Variants in HM13 observed in about 807,000 individuals in gnomAD.
HM13 encodes histocompatibility minor 13.
In HM13, 18 loss-of-function variants were observed where a neutral mutation model predicts 50.0. The ratio of observed to expected loss-of-function variants is 0.36; its 90% confidence interval spans 0.25 to 0.53. HM13 has a LOEUF of 0.53. Among genes scored for constraint, HM13 ranks in the 20% least tolerant of loss-of-function variants. The pLI is 0.90. For missense variants in HM13, 393 were observed against 552.4 expected, an observed-to-expected ratio of 0.71 and a Z score of 2.89; for synonymous variants, 197 against 232.6, an observed-to-expected ratio of 0.85 and a Z score of 1.39.
intron 2 of HM13, among the ~76,000 whole-genome samples, chr20:31,533,666 T>C (rs1982946288): frequency 6.6e-6 from 1 of 152,216 alleles, no homozygotes; most frequent in African/African-American, 2.4e-5. Flanking sequence ...CTAGTGACAT[T>C]CAGACACATC....
intron 1 of HM13, among the ~76,000 whole-genome samples, chr20:31,520,510 G>A (rs1182502049): frequency 6.6e-6 from 1 of 151,924 alleles, no homozygotes; most frequent in African/African-American, 2.4e-5. Flanking sequence ...CACCATGTTG[G>A]CCAGGCTGGT....
chr20:31,558,605 C>A (rs1227401492), intron 8 of HM13, among the ~76,000 whole-genome samples: 1 of 152,116 alleles, frequency 6.6e-6, no homozygotes, highest in Admixed American at 6.6e-5. Context: ...CTCCTTCACC[C>A]CTGCCCAGCC....
At chr20:31,518,445 AG>A (rs1981938324) in intron 1 of HM13, among the ~76,000 whole-genome samples, 1 of 150,856 alleles carries the variant, frequency 6.6e-6, no homozygotes, top group African/African-American at 2.4e-5. Flanking sequence ...CAGGAGTTCA[AG>A]ACCAGCCTGG....
At chr20:31,538,714 T>C (rs1392559240) in intron 3 of HM13, 2 of 940,824 alleles carry the variant, frequency 2.1e-6, no homozygotes, top group Non-Finnish European at 2.6e-6. Flanking sequence ...TTACTTTGAG[T>C]CCAGACTCTG....
intron 9 of HM13, 124 bp downstream of exon 9, chr20:31,559,771 T>C: frequency 1.1e-6 from 1 of 869,960 alleles, no homozygotes; most frequent in African/African-American, 1.7e-5. Flanking sequence ...AGAGCAATTC[T>C]GATTTTATCT....
intron 8 of HM13, among the ~76,000 whole-genome samples, chr20:31,556,878 G>T (rs1313305123): frequency 6.6e-6 from 1 of 152,054 alleles, no homozygotes; most frequent in Non-Finnish European, 1.5e-5. Flanking sequence ...AATTAGCCAG[G>T]CGTAGTGGCG....
chr20:31,558,917 TTTG>T (rs1401046912), intron 8 of HM13, among the ~76,000 whole-genome samples: 1 of 151,708 alleles, frequency 6.6e-6, no homozygotes, highest in Non-Finnish European at 1.5e-5. Flanking sequence ...TTGTTGTTGT[TTTG>T]TTTTGTTTTG....
chr20:31,530,652 G>A (rs1982762729), intron 2 of HM13, among the ~76,000 whole-genome samples: 1 of 151,994 alleles, frequency 6.6e-6, no homozygotes, highest in Admixed American at 6.6e-5. Flanking sequence ...CTTGTGATCC[G>A]CCTTCCTTAG....
chr20:31,569,502 T>C lies in HM13; in HGVS notation c.*283T>C. 1 of 300,430 alleles carries C rather than the reference T, an allele frequency of 3.3e-6. No homozygotes were observed. The highest frequency in any genetic ancestry group is 6.3e-6 in the Non-Finnish European group (1 of 159,254). 18.6% of individuals were successfully genotyped at this position (300,430 alleles called of 1,614,324 possible). A position where few individuals can be genotyped will look rare whatever the true frequency, so the allele number is the denominator to read the frequency against. On this transcript the variant is annotated 3_prime_UTR_variant, in exon 13 of 13. Transcript: ENST00000398174. ...GGTGTGATTTTTAGATTTTGTATTG[T>C]GGACTGATTTTGCCTCACATTAAAA...
intron 8 of HM13, among the ~76,000 whole-genome samples, chr20:31,558,836 G>T (rs893908318): frequency 2.0e-5 from 3 of 152,174 alleles, no homozygotes; most frequent in Non-Finnish European, 4.4e-5. Flanking sequence ...CGATTCTCCT[G>T]CCTCAGCCTC....
At chr20:31,555,479 A>G (rs909638173) in intron 8 of HM13, among the ~76,000 whole-genome samples, 1 of 152,082 alleles carries the variant, frequency 6.6e-6, no homozygotes, top group African/African-American at 2.4e-5. Context: ...ATCCTGCGCA[A>G]CCACAGCCTG....
chr20:31,552,793 A>G (rs1478998530), intron 7 of HM13, among the ~76,000 whole-genome samples: 3 of 152,152 alleles, frequency 2.0e-5, no homozygotes, highest in Non-Finnish European at 2.9e-5. Context: ...TGCGTTGTAC[A>G]TTCAAGGCAG....
At chr20:31,551,462 T>C (rs1401927088) in intron 7 of HM13, among the ~76,000 whole-genome samples, 1 of 152,210 alleles carries the variant, frequency 6.6e-6, no homozygotes, top group Non-Finnish European at 1.5e-5. Context: ...TTCCCAAGTC[T>C]CCTGTGCAGT....
At chr20:31,532,374 G>A (rs528409256) in intron 2 of HM13, among the ~76,000 whole-genome samples, 121 of 152,232 alleles carry the variant, frequency 7.9e-4, no homozygotes, top group African/African-American at 2.6e-3. Flanking sequence ...GCAGTGAGCC[G>A]AGATCGTGCC....
At chr20:31,565,231 C>T (rs969053821) in intron 10 of HM13, among the ~76,000 whole-genome samples, 24 of 151,360 alleles carry the variant, frequency 1.6e-4, no homozygotes, top group Non-Finnish European at 3.1e-4. Flanking sequence ...ATAATCCCAG[C>T]AATTTGGGAG....
At chr20:31,536,569 C>T (rs1054507151) in intron 2 of HM13, among the ~76,000 whole-genome samples, 1 of 152,136 alleles carries the variant, frequency 6.6e-6, no homozygotes, top group Non-Finnish European at 1.5e-5. Context: ...ACTCCAGTAC[C>T]AGCCTGTCTC....
At chr20:31,568,862 C>T (rs766555308) in intron 12 of HM13, among the ~76,000 whole-genome samples, 2 of 152,228 alleles carry the variant, frequency 1.3e-5, no homozygotes, top group Non-Finnish European at 2.9e-5. Context: ...CCAGGCCCAA[C>T]CTCTCTTCCA....
intron 8 of HM13, among the ~76,000 whole-genome samples, chr20:31,556,826 C>T (rs576016693): frequency 2.0e-5 from 3 of 152,202 alleles, no homozygotes; most frequent in Admixed American, 6.5e-5. Context: ...CGAGACCATC[C>T]TGGCTAACAT....
intron 1 of HM13, among the ~76,000 whole-genome samples, chr20:31,516,897 C>T (rs1019941222): frequency 1.3e-5 from 2 of 152,198 alleles, no homozygotes; most frequent in African/African-American, 4.8e-5. Flanking sequence ...GCAGGCAGAG[C>T]CAGTTTCATT....
Sources: allele counts gnomAD v4.1 joint callset (sites outside exome capture counted in the v4.1 genomes callset), GRCh38; gene constraint gnomAD v4.1.1; transcripts MANE v1.5; gene names NCBI Gene and HGNC (gene_info 2026-07-23, HGNC 2026-07-21).